CDH18: variants seen among roughly 807,000 people sequenced by gnomAD.
The protein encoded by CDH18 is cadherin-18.
CDH18 carries 31 observed loss-of-function variants against 67.9 expected under a neutral mutation model. That is an observed-to-expected ratio of 0.46 (90% CI 0.34 to 0.62). CDH18 has a LOEUF of 0.62. Among genes scored for constraint, CDH18 ranks in the 20% least tolerant of loss-of-function variants. CDH18 has a pLI of 0.01. For synonymous variants in CDH18, 362 were observed against 347.2 expected, an observed-to-expected ratio of 1.04 and a Z score of -0.48; for missense variants, 890 against 975.5, an observed-to-expected ratio of 0.91 and a Z score of 1.17.
intron 8 of CDH18, among the ~76,000 whole-genome samples, chr5:19,568,690 C>T (rs1333393689): frequency 6.6e-6 from 1 of 152,138 alleles, no homozygotes; most frequent in Non-Finnish European, 1.5e-5. Flanking sequence ...GAGAAGAGGG[C>T]TCTCTGCAAA....
chr5:20,198,543 C>T (rs1242304665), intron 2 of CDH18, among the ~76,000 whole-genome samples: 3 of 152,076 alleles, frequency 2.0e-5, no homozygotes, highest in Non-Finnish European at 4.4e-5. Context: ...CAAGAGGTGA[C>T]AGAGAATAAA....
chr5:20,211,813 C>T (rs1396220742), intron 2 of CDH18, among the ~76,000 whole-genome samples: 2 of 152,130 alleles, frequency 1.3e-5, no homozygotes, highest in African/African-American at 4.8e-5. Context: ...GACAAAACAA[C>T]ACAGATGGGG....
At chr5:19,862,259 G>A (rs1020979489) in intron 2 of CDH18, among the ~76,000 whole-genome samples, 3 of 152,128 alleles carry the variant, frequency 2.0e-5, no homozygotes, top group African/African-American at 7.2e-5. Flanking sequence ...TGTTTGAAAT[G>A]TTTTTATATG....
At chr5:20,223,053 A>G (rs1252561696) in intron 2 of CDH18, among the ~76,000 whole-genome samples, 1 of 152,104 alleles carries the variant, frequency 6.6e-6, no homozygotes, top group African/African-American at 2.4e-5. Flanking sequence ...AATCAAGGCT[A>G]CATGTTGCAT....
At chr5:20,166,417 G>T (rs1272181069) in intron 2 of CDH18, among the ~76,000 whole-genome samples, 2 of 141,134 alleles carry the variant, frequency 1.4e-5, no homozygotes, top group African/African-American at 5.3e-5. Context: ...TCCAGCCTGG[G>T]CAACAGAGTG....
intron 2 of CDH18, among the ~76,000 whole-genome samples, chr5:19,903,539 G>GTATA (rs1442013514): frequency 6.6e-5 from 2 of 30,508 alleles, no homozygotes; most frequent in Non-Finnish European, 1.7e-4. Flanking sequence ...CTGTGTGTGT[G>GTATA]TGTATATATA....
At chr5:19,844,854 T>C (rs1234320640) in intron 2 of CDH18, among the ~76,000 whole-genome samples, 1 of 152,304 alleles carries the variant, frequency 6.6e-6, no homozygotes, top group African/African-American at 2.4e-5. Context: ...CATTGTTTCC[T>C]ACTTCTCCCT....
chr5:20,108,944 AAGTT>A lies in CDH18; in HGVS notation c.-517-116934_-517-116931del, dbSNP rs34918794. On this transcript the variant is annotated intron_variant, in intron 2 of 14. Transcript: ENST00000507958. ...AATTTCCTCACATGTATGTAATAAT[AAGTT>A]AGTTAAACAAAGCATATTAGTTGCT... Among the ~76,000 whole-genome samples the A allele has an allele frequency of 7.7e-4, 118 of 152,330 alleles. 1 individual carries two copies. In the East Asian group the frequency reaches 9.8e-3, roughly 13 times the overall value.
intron 12 of CDH18, among the ~76,000 whole-genome samples, chr5:19,481,969 G>A (rs1189086172): frequency 2.6e-5 from 4 of 152,058 alleles, no homozygotes; most frequent in African/African-American, 9.7e-5. Flanking sequence ...TTGTTTCAAA[G>A]AGCATTCTAA....
intron 5 of CDH18, among the ~76,000 whole-genome samples, chr5:19,625,941 A>G (rs932261017): frequency 2.6e-5 from 4 of 152,050 alleles, no homozygotes; most frequent in African/African-American, 9.7e-5. Context: ...TTCACTCAAT[A>G]AAGCCTTGTG....
intron 2 of CDH18, among the ~76,000 whole-genome samples, chr5:20,140,050 A>C (rs141092040): frequency 0.022 from 3,357 of 152,314 alleles, 55 homozygotes; most frequent in Middle Eastern, 0.048. Context: ...TCACAAGAGC[A>C]AAGACTTGGA....
At chr5:20,270,084 T>C (rs1017744927) in intron 1 of CDH18, among the ~76,000 whole-genome samples, 1 of 151,050 alleles carries the variant, frequency 6.6e-6, no homozygotes, top group Non-Finnish European at 1.5e-5. Flanking sequence ...GCTTCAAAAA[T>C]AAAATCAATG....
At position 20,354,748 on chromosome 5, in the gene CDH18, A is replaced by C. The variant is rs142186157; in HGVS notation, c.-579-99243T>G. Among the ~76,000 whole-genome samples, 57 of 152,302 alleles carry C rather than the reference A, an allele frequency of 3.7e-4. 1 individual carries two copies. In the East Asian group the frequency reaches 0.011, roughly 28 times the overall value. ...CTTTTCAATCCATCCTTCAGCAAAG[A>C]ATCAGAAATTTTGTATAGAAGAGAT... On this transcript the variant is annotated intron_variant, in intron 1 of 14. Transcript: ENST00000507958.
chr5:20,333,014 C>T (rs182413035), intron 1 of CDH18, among the ~76,000 whole-genome samples: 35 of 151,790 alleles, frequency 2.3e-4, no homozygotes, highest in African/African-American at 8.5e-4. Context: ...AGAGAACATG[C>T]AAACTCCACA....
chr5:20,514,565 C>G (rs1755241868), intron 1 of CDH18, among the ~76,000 whole-genome samples: 3 of 152,032 alleles, frequency 2.0e-5, no homozygotes, highest in Non-Finnish European at 4.4e-5. Context: ...GACATATGTA[C>G]ATGAGCTGAT....
intron 4 of CDH18, among the ~76,000 whole-genome samples, chr5:19,743,437 C>T (rs1769500176): frequency 6.6e-6 from 1 of 151,960 alleles, no homozygotes; most frequent in Non-Finnish European, 1.5e-5. Context: ...GCATTGTGGG[C>T]CAGCGATATG....
chr5:19,715,727 A>G (rs1765261049), intron 5 of CDH18, among the ~76,000 whole-genome samples: 1 of 152,090 alleles, frequency 6.6e-6, no homozygotes, highest in South Asian at 2.1e-4. Flanking sequence ...TTCAAACAAA[A>G]TAATCATTTT....
intron 1 of CDH18, among the ~76,000 whole-genome samples, chr5:20,299,801 G>A (rs1239402465): frequency 2.7e-5 from 4 of 150,378 alleles, no homozygotes; most frequent in Admixed American, 2.0e-4. Context: ...GAATACTTGT[G>A]CTTATGGCTC....
At chr5:20,331,688 A>G (rs1739202704) in intron 1 of CDH18, among the ~76,000 whole-genome samples, 1 of 152,114 alleles carries the variant, frequency 6.6e-6, no homozygotes, top group African/African-American at 2.4e-5. Context: ...CTTTGAGACC[A>G]GGGGGTCCTC....
Sources: allele counts gnomAD v4.1 joint callset (sites outside exome capture counted in the v4.1 genomes callset), GRCh38; gene constraint gnomAD v4.1.1; transcripts MANE v1.5; gene names NCBI Gene and HGNC (gene_info 2026-07-23, HGNC 2026-07-21).